The following FTCDNL1 variants were observed in gnomAD, a reference collection of about 807,000 sequenced individuals.
FTCDNL1 encodes formiminotransferase cyclodeaminase N-terminal like.
A neutral mutation model predicts 5.9 loss-of-function variants in FTCDNL1; 11 were observed. The ratio of observed to expected loss-of-function variants is 1.87; its 90% CI spans 1.18 to 3.10. FTCDNL1 has a LOEUF of 3.10. FTCDNL1 is among the 30% of genes most tolerant of loss of function. FTCDNL1 has a pLI of 0.00. For missense variants in FTCDNL1, 115 were observed against 65.5 expected, an observed-to-expected ratio of 1.76 and a Z score of -2.61; for synonymous variants, 58 against 24.8, an observed-to-expected ratio of 2.34 and a Z score of -3.99.
At chr2:199,778,260 C>T (rs148981704) in intron 3 of FTCDNL1, among the ~76,000 whole-genome samples, 27 of 152,304 alleles carry the variant, frequency 1.8e-4, no homozygotes, top group African/African-American at 6.3e-4. Flanking sequence ...TTCTTGTTCT[C>T]TCCCTCCTGA....
At chr2:199,783,021 A>T (rs1699449334) in intron 3 of FTCDNL1, among the ~76,000 whole-genome samples, 1 of 152,122 alleles carries the variant, frequency 6.6e-6, no homozygotes, top group East Asian at 1.9e-4. Context: ...ATCTCTACAG[A>T]TTTCTGTAGG....
At chr2:199,773,368 C>T (rs1460786706) in intron 3 of FTCDNL1, among the ~76,000 whole-genome samples, 1 of 152,142 alleles carries the variant, frequency 6.6e-6, no homozygotes. Flanking sequence ...CCACAATAAC[C>T]CTTTACCTCC....
At chr2:199,769,926 A>G (rs1698728881) in intron 3 of FTCDNL1, among the ~76,000 whole-genome samples, 1 of 151,930 alleles carries the variant, frequency 6.6e-6, no homozygotes, top group Non-Finnish European at 1.5e-5. Context: ...GGAATGATCT[A>G]TTCTTTTTTT....
the FTCDNL1 span, among the ~76,000 whole-genome samples, chr2:199,719,121 G>C: frequency 1.3e-5 from 2 of 152,042 alleles, no homozygotes; most frequent in African/African-American, 4.8e-5. Flanking sequence ...GTCTAGATCA[G>C]TGTGCAGAAG....
chr2:199,705,757 C>A, the FTCDNL1 span, among the ~76,000 whole-genome samples: 1 of 152,068 alleles, frequency 6.6e-6, no homozygotes, highest in Non-Finnish European at 1.5e-5. Context: ...GTCATTTTGG[C>A]TCCTCAAAGA....
chr2:199,741,252 G>A, the FTCDNL1 span, among the ~76,000 whole-genome samples: 2 of 152,012 alleles, frequency 1.3e-5, no homozygotes, highest in Non-Finnish European at 2.9e-5. Context: ...CGCTAGCCCG[G>A]GCGATAGAGT....
intron 3 of FTCDNL1, among the ~76,000 whole-genome samples, chr2:199,823,253 C>T (rs796638598): frequency 6.6e-6 from 1 of 152,218 alleles, no homozygotes; most frequent in East Asian, 1.9e-4. Flanking sequence ...CAGTGACTTC[C>T]TCCACTAAAG....
chr2:199,724,892 A>G, the FTCDNL1 span, among the ~76,000 whole-genome samples: 1 of 152,006 alleles, frequency 6.6e-6, no homozygotes, highest in Non-Finnish European at 1.5e-5. Flanking sequence ...GCAGATTTCC[A>G]TCAGGTTCAC....
the FTCDNL1 span, among the ~76,000 whole-genome samples, chr2:199,701,730 C>G: frequency 6.6e-6 from 1 of 152,186 alleles, no homozygotes. Flanking sequence ...ACTGCATGTT[C>G]TCACTTATAA....
At chr2:199,709,009 C>T in the FTCDNL1 span, among the ~76,000 whole-genome samples, 2 of 152,094 alleles carry the variant, frequency 1.3e-5, no homozygotes, top group Non-Finnish European at 2.9e-5. Context: ...GGATCTCCTC[C>T]CTGTTCCCCA....
At chr2:199,774,491 G>T (rs1698962502) in intron 3 of FTCDNL1, among the ~76,000 whole-genome samples, 1 of 152,082 alleles carries the variant, frequency 6.6e-6, no homozygotes, top group African/African-American at 2.4e-5. Flanking sequence ...ATTCCTGAGG[G>T]GTACATGTTG....
chr2:199,680,850 G>A, the FTCDNL1 span, among the ~76,000 whole-genome samples: 1 of 152,180 alleles, frequency 6.6e-6, no homozygotes, highest in South Asian at 2.1e-4. Context: ...GCTACACAAT[G>A]TTCCCCCTTG....
chr2:199,801,163 G>A (rs1434322813), intron 3 of FTCDNL1, among the ~76,000 whole-genome samples: 1 of 152,222 alleles, frequency 6.6e-6, no homozygotes, highest in Non-Finnish European at 1.5e-5. Context: ...AGCCATCACA[G>A]AGGGCAAGAG....
At chr2:199,840,833 A>G (rs985516364) in intron 3 of FTCDNL1, among the ~76,000 whole-genome samples, 1 of 152,150 alleles carries the variant, frequency 6.6e-6, no homozygotes, top group Non-Finnish European at 1.5e-5. Context: ...GAAAAAAGAA[A>G]GAGAGAGAAG....
At chr2:199,764,353 C>T (rs377089567) in intron 3 of FTCDNL1, among the ~76,000 whole-genome samples, 1 of 152,202 alleles carries the variant, frequency 6.6e-6, no homozygotes. Context: ...AAGTAACCTG[C>T]CCAAAATCAT....
chr2:199,831,971 C>T, intron 3 of FTCDNL1, among the ~76,000 whole-genome samples: 1 of 152,024 alleles, frequency 6.6e-6, no homozygotes, highest in Middle Eastern at 3.2e-3. Flanking sequence ...ATAATGTGCC[C>T]TCAAACTCTT....
At chr2:199,676,875 C>T in the FTCDNL1 span, among the ~76,000 whole-genome samples, 100 of 152,144 alleles carry the variant, frequency 6.6e-4, no homozygotes, top group African/African-American at 2.2e-3. Context: ...ATTTTGGGTC[C>T]GACAAACAAA....
chr2:199,763,615 A>G (rs1698373748), intron 3 of FTCDNL1, among the ~76,000 whole-genome samples: 1 of 152,130 alleles, frequency 6.6e-6, no homozygotes. Context: ...CTGTCCAGGG[A>G]TGAGACAACT....
chr2:199,719,700 T>C, the FTCDNL1 span, among the ~76,000 whole-genome samples: 1 of 151,998 alleles, frequency 6.6e-6, no homozygotes, highest in Non-Finnish European at 1.5e-5. Flanking sequence ...TGTGGCACGA[T>C]CTCAGCTCAC....
Sources: gnomAD v4.1 joint callset for allele counts (sites outside exome capture counted in the v4.1 genomes callset) on GRCh38, gnomAD v4.1.1 for gene constraint, MANE v1.5 for transcripts, NCBI Gene and HGNC (gene_info 2026-07-23, HGNC 2026-07-21) for gene names.